Variants in RGS20 observed in about 807,000 individuals in gnomAD.
The protein encoded by RGS20 is regulator of G protein signaling 20.
A neutral mutation model predicts 33.6 loss-of-function variants in RGS20; 30 were observed. That is an observed-to-expected ratio of 0.89 (90% CI 0.67 to 1.21). The LOEUF (loss-of-function observed/expected upper bound fraction) is 1.21, where lower values mean the gene tolerates loss of function less well. Ranked by LOEUF, RGS20 falls within the 50% of genes most tolerant of loss-of-function variation. RGS20 has a pLI of 0.00. For missense variants in RGS20, 472 were observed against 502.4 expected, an observed-to-expected ratio of 0.94 and a Z score of 0.58; for synonymous variants, 208 against 197.9, an observed-to-expected ratio of 1.05 and a Z score of -0.43.
intron 1 of RGS20, among the ~76,000 whole-genome samples, chr8:53,857,373 T>TC (rs1285536356): frequency 2.6e-5 from 4 of 152,202 alleles, no homozygotes; most frequent in African/African-American, 9.7e-5. Context: ...TACTTGGTCT[T>TC]CCTTTGATGG....
intron 2 of RGS20, among the ~76,000 whole-genome samples, chr8:53,922,647 T>C (rs1444322019): frequency 6.6e-6 from 1 of 152,176 alleles, no homozygotes; most frequent in Non-Finnish European, 1.5e-5. Flanking sequence ...CTTTAGTTAT[T>C]TTTTCACTGT....
intron 4 of RGS20, among the ~76,000 whole-genome samples, chr8:53,952,002 G>A (rs1217617377): frequency 3.3e-5 from 5 of 151,384 alleles, no homozygotes; most frequent in Non-Finnish European, 7.4e-5. Flanking sequence ...GGGCAACAGA[G>A]TAAGACTAAA....
chr8:53,855,724 G>A (rs987774442), intron 1 of RGS20, among the ~76,000 whole-genome samples: 2 of 152,184 alleles, frequency 1.3e-5, no homozygotes, highest in African/African-American at 2.4e-5. Context: ...TACATTCTGT[G>A]CACGTGATTT....
At chr8:53,905,496 C>G (rs1219163051) in intron 2 of RGS20, among the ~76,000 whole-genome samples, 2 of 152,194 alleles carry the variant, frequency 1.3e-5, no homozygotes, top group Admixed American at 1.3e-4. Context: ...GATGACTATA[C>G]TGCAGGATAA....
chr8:53,934,318 T>G (rs1814064220), intron 2 of RGS20, among the ~76,000 whole-genome samples: 1 of 152,200 alleles, frequency 6.6e-6, no homozygotes, highest in Non-Finnish European at 1.5e-5. Context: ...ACTGGCAGAT[T>G]GGCTAAAGGT....
chr8:53,918,380 C>CT (rs59221719), intron 2 of RGS20, among the ~76,000 whole-genome samples: 7,291 of 149,654 alleles, frequency 0.049, 496 homozygotes, highest in African/African-American at 0.15. Flanking sequence ...CACATATTTT[C>CT]TTTTTTTTTC....
At chr8:53,861,176 C>T (rs992172715) in intron 1 of RGS20, among the ~76,000 whole-genome samples, 8 of 152,300 alleles carry the variant, frequency 5.3e-5, no homozygotes, top group Admixed American at 2.6e-4. Context: ...TTTGTAATCA[C>T]GCCTCAGAGA....
chr8:53,954,028 T>C (rs1814787129), intron 4 of RGS20, 48 bp from the exon 4 acceptor site: 2 of 1,233,552 alleles, frequency 1.6e-6, no homozygotes, highest in East Asian at 4.6e-5. Context: ...TCCAATTAAC[T>C]ACCACTAACA....
chr8:53,946,514 T>G (rs758441231), intron 3 of RGS20, 151 bp from the exon 3 acceptor site: 2 of 753,542 alleles, frequency 2.7e-6, no homozygotes, highest in Admixed American at 1.9e-5. Flanking sequence ...TTGGTTTGCT[T>G]GGGAAAACTA....
intron 3 of RGS20, among the ~76,000 whole-genome samples, chr8:53,944,477 G>A (rs1293076368): frequency 6.6e-6 from 1 of 151,544 alleles, no homozygotes; most frequent in Non-Finnish European, 1.5e-5. Context: ...GGCGGAGGTT[G>A]TAGGGAGCTG....
At chr8:53,939,256 T>G (rs533703416) in intron 2 of RGS20, among the ~76,000 whole-genome samples, 1 of 152,158 alleles carries the variant, frequency 6.6e-6, no homozygotes, top group Non-Finnish European at 1.5e-5. Context: ...GGAACGGCCC[T>G]GCGTAGCACT....
intron 2 of RGS20, 118 bp from the exon 2 acceptor site, chr8:53,939,458 T>C: frequency 8.9e-7 from 1 of 1,119,914 alleles, no homozygotes; most frequent in Non-Finnish European, 1.2e-6. Flanking sequence ...GTAGCAAAAA[T>C]GACCTGAATG....
intron 2 of RGS20, among the ~76,000 whole-genome samples, chr8:53,920,425 T>C (rs1302665210): frequency 6.6e-6 from 1 of 152,182 alleles, no homozygotes; most frequent in African/African-American, 2.4e-5. Flanking sequence ...TGTTTGTTTT[T>C]AGTGGAATTC....
chr8:53,938,897 C>A (rs1292169248), intron 2 of RGS20, among the ~76,000 whole-genome samples: 1 of 152,190 alleles, frequency 6.6e-6, no homozygotes, highest in Admixed American at 6.5e-5. Context: ...GGGTGACCAT[C>A]CCTGGTACGG....
intron 2 of RGS20, among the ~76,000 whole-genome samples, chr8:53,887,540 A>G (rs1375633430): frequency 6.6e-6 from 1 of 152,202 alleles, no homozygotes; most frequent in East Asian, 1.9e-4. Context: ...CTGTGGACAC[A>G]AGAGAGGTGA....
chr8:53,941,209 C>T (rs1389792388), intron 3 of RGS20, among the ~76,000 whole-genome samples: 1 of 152,160 alleles, frequency 6.6e-6, no homozygotes. Context: ...GTATCTGTAC[C>T]TAAGACACTA....
At chr8:53,888,760 A>G (rs996509110) in intron 2 of RGS20, among the ~76,000 whole-genome samples, 1 of 152,222 alleles carries the variant, frequency 6.6e-6, no homozygotes, top group African/African-American at 2.4e-5. Flanking sequence ...AACCACTTTT[A>G]TAACTTTTTT....
rs781257082 is a variant in RGS20, at chr8:53,946,702, A to G, written c.697A>G (p.Ile233Val). The change falls in exon 4 of 6, where the codon ATA becomes GTA. Residue 233 changes from isoleucine (I) to valine (V), a missense_variant. This residue lies in a region of RGS20 where 319 missense variants were observed against 283.4 expected (regional missense o/e 1.13). Coordinates refer to ENST00000297313, the MANE Select transcript of RGS20 (RefSeq NM_170587.4). ...AAACCAGGAAGATCAGAGGCCCACAATAGCTTCCCACGAACTCAGAGCAGA... is the reference window on the plus strand; with the variant it reads ...AAACCAGGAAGATCAGAGGCCCACAGTAGCTTCCCACGAACTCAGAGCAGA... The G allele has an allele frequency of 1.1e-5, 17 of 1,613,372 alleles. No homozygotes were observed. In the South Asian group the frequency reaches 1.4e-4, roughly 14 times the overall value.
chr8:53,880,494 C>G (rs531707249), intron 2 of RGS20, among the ~76,000 whole-genome samples: 1 of 152,142 alleles, frequency 6.6e-6, no homozygotes, highest in Admixed American at 6.5e-5. Flanking sequence ...TCCACAGACG[C>G]GAAGCTCTGG....
Sources: allele counts gnomAD v4.1 joint callset (sites outside exome capture counted in the v4.1 genomes callset), GRCh38; gene constraint gnomAD v4.1.1; regional missense constraint gnomAD v4.1.1; transcripts MANE v1.5; gene names NCBI Gene and HGNC (gene_info 2026-07-23, HGNC 2026-07-21).